Variants in PDXDC1 observed in about 807,000 individuals in gnomAD.
The protein encoded by PDXDC1 is pyridoxal-dependent decarboxylase domain-containing protein 1.
In PDXDC1, 42 loss-of-function variants were observed where a neutral mutation model predicts 100.1. That is an observed-to-expected ratio of 0.42 (90% CI 0.33 to 0.54). The LOEUF is 0.54. PDXDC1 is among the 20% of genes least tolerant of loss of function. PDXDC1 has a pLI of 0.10. For synonymous variants in PDXDC1, 260 were observed against 371.7 expected, an observed-to-expected ratio of 0.70 and a Z score of 3.46; for missense variants, 636 against 979.2, an observed-to-expected ratio of 0.65 and a Z score of 4.68.
chr16:15,023,569 G>T (rs2042362701), intron 13 of PDXDC1, among the ~76,000 whole-genome samples: 1 of 152,294 alleles, frequency 6.6e-6, no homozygotes, highest in Admixed American at 6.5e-5. Flanking sequence ...TGAAGTGAAA[G>T]AATTGCTTGA....
In PDXDC1 at chr16:15,038,097, A is replaced by T; in HGVS notation, c.*1822A>T. On this transcript the variant is annotated 3_prime_UTR_variant, in exon 23 of 23. Coordinates refer to ENST00000396410, the MANE Select transcript of PDXDC1 (RefSeq NM_015027.4). The stretch of plus-strand genomic sequence containing the variant: ...CATTTTTTTTGTAGAGTAGGGCTTT[A>T]TTTCCAGAAAACAGTGTGTGAGCTG... 1 of 1,612,960 alleles carries T rather than the reference A, an allele frequency of 6.2e-7. No individual in the cohort carries two copies. The highest frequency in any genetic ancestry group is 1.1e-5 in the South Asian group (1 of 91,030).
intron 16 of PDXDC1, chr16:15,131,224 C>T: frequency 1.9e-6 from 3 of 1,591,592 alleles, no homozygotes; most frequent in Non-Finnish European, 2.6e-6. Flanking sequence ...CCGGGCAGCC[C>T]AGTCCGAGTT....
At chr16:15,074,522 T>C (rs1277239092) in intron 16 of PDXDC1, among the ~76,000 whole-genome samples, 1 of 152,112 alleles carries the variant, frequency 6.6e-6, no homozygotes, top group African/African-American at 2.4e-5. Flanking sequence ...AGAAGACAAA[T>C]ATAACTCAGC....
downstream of PDXDC1, among the ~76,000 whole-genome samples, chr16:15,041,342 C>T (rs954372960): frequency 3.9e-5 from 6 of 152,098 alleles, no homozygotes; most frequent in Admixed American, 1.3e-4. Context: ...ACTCCCACCC[C>T]ACCTTCTCTG....
chr16:15,047,420 A>G (rs1326406984), intron 16 of PDXDC1: 1 of 1,441,298 alleles, frequency 6.9e-7, no homozygotes. Context: ...CAATTCACCT[A>G]TGAGAGCAGC....
rs9746237 is a variant in PDXDC1, at chr16:15,111,076, G to C, written c.1400-27803G>C. 3.7e-3 allele frequency among the ~76,000 whole-genome samples: 557 copies of C among 148,892 alleles called. 14 individuals are homozygous for C. Among genetic ancestry groups the C allele is most frequent in the East Asian group, 0.033 (168 of 5,080 alleles). On this transcript the variant is annotated intron_variant, in intron 16 of 16. Coordinates refer to the PDXDC1 transcript ENST00000535621. ...CTGGGAGGCGGAGGTTGCAGTGAGC[G>C]GAGATCACACCACTGCACTCCAGCC...
At chr16:15,082,809 G>C (rs1242001508) in intron 16 of PDXDC1, among the ~76,000 whole-genome samples, 1 of 151,978 alleles carries the variant, frequency 6.6e-6, no homozygotes, top group Non-Finnish European at 1.5e-5. Flanking sequence ...AAACTGCACA[G>C]ATGATCTGAA....
At chr16:15,074,078 T>G (rs542706253) in intron 16 of PDXDC1, among the ~76,000 whole-genome samples, 1 of 152,204 alleles carries the variant, frequency 6.6e-6, no homozygotes, top group Non-Finnish European at 1.5e-5. Context: ...CTCACAATGG[T>G]TCTCTGAAGA....
chr16:15,104,430 CTGAGGGTGGAG>C, intron 16 of PDXDC1: 7 of 1,393,434 alleles, frequency 5.0e-6, no homozygotes, highest in Non-Finnish European at 6.6e-6. Flanking sequence ...TTATCATCCG[CTGAGGGTGGAG>C]CTGAGGGTGG....
At chr16:15,058,296 A>AG in intron 16 of PDXDC1, among the ~76,000 whole-genome samples, 1 of 152,172 alleles carries the variant, frequency 6.6e-6, no homozygotes. Context: ...CCGTCTCAAA[A>AG]AAAAAAGAAA....
intron 3 of PDXDC1, 98 bp downstream of exon 3, chr16:14,998,503 G>A: frequency 7.4e-7 from 1 of 1,344,952 alleles, no homozygotes; most frequent in East Asian, 2.5e-5. Context: ...GGTGTGCAGT[G>A]GCACAATCTG....
intron 14 of PDXDC1, among the ~76,000 whole-genome samples, chr16:15,028,625 T>C (rs1420573638): frequency 6.6e-6 from 1 of 152,306 alleles, no homozygotes; most frequent in Non-Finnish European, 1.5e-5. Flanking sequence ...TGTTTCCCCT[T>C]GAAATCCCTT....
downstream of PDXDC1, among the ~76,000 whole-genome samples, chr16:15,141,802 G>C (rs1217550992): frequency 6.6e-6 from 1 of 152,196 alleles, no homozygotes; most frequent in Non-Finnish European, 1.5e-5. Context: ...GGCCATTCAC[G>C]AGACAGGGTG....
At chr16:15,015,054 C>T (rs1166328440) in intron 8 of PDXDC1, among the ~76,000 whole-genome samples, 3 of 152,284 alleles carry the variant, frequency 2.0e-5, no homozygotes, top group East Asian at 3.9e-4. Context: ...TCTCCCGCCT[C>T]GGCCCCGCGA....
At chr16:15,031,654 C>T in intron 16 of PDXDC1, 81 bp from the exon 17 acceptor site, 3 of 1,289,016 alleles carry the variant, frequency 2.3e-6, no homozygotes, top group Non-Finnish European at 3.3e-6. Context: ...TTTTGACCTT[C>T]CCAGTAGTGG....
At chr16:15,001,362 G>A (rs1973110781) in intron 3 of PDXDC1, among the ~76,000 whole-genome samples, 1 of 152,284 alleles carries the variant, frequency 6.6e-6, no homozygotes, top group Admixed American at 6.5e-5. Context: ...GGTGGCGCAA[G>A]CTTGTAATCT....
intron 16 of PDXDC1, chr16:15,060,913 C>G (rs2044685767): frequency 6.6e-6 from 1 of 152,230 alleles, no homozygotes; most frequent in Non-Finnish European, 1.5e-5. Context: ...AGTTCTAGAT[C>G]TAAGGGGACA....
Position 15,034,473 on chromosome 16 carries a change from T to A in PDXDC1, c.1922T>A (p.Ile641Asn). 6.2e-7 allele frequency: 1 copy of A among 1,614,134 alleles called. No individual in the cohort carries two copies. Among genetic ancestry groups the A allele is most frequent in the Non-Finnish European group, 8.5e-7 (1 of 1,180,022 alleles). The change falls in exon 21 of 23, where the codon ATC becomes AAC. Residue 641 changes from isoleucine to asparagine, a missense_variant. Transcript: ENST00000396410. ...RLLEEGVLRQ[I>N]PVVGSVLNWF... ...GTCTTGCAGGGGGTGTTGCGGCAGA[T>A]CCCTGTAGTGGGCTCCGTGCTGAAT...
intron 1 of PDXDC1, among the ~76,000 whole-genome samples, chr16:14,995,729 C>T (rs1196450276): frequency 6.6e-6 from 1 of 152,294 alleles, no homozygotes; most frequent in Non-Finnish European, 1.5e-5. Context: ...CCAGCTCCTC[C>T]TTTTACCTCT....
Sources: allele counts gnomAD v4.1 joint callset (sites outside exome capture counted in the v4.1 genomes callset), GRCh38; gene constraint gnomAD v4.1.1; transcripts MANE v1.5; gene names NCBI Gene and HGNC (gene_info 2026-07-23, HGNC 2026-07-21).